Variants in ZSWIM6 observed in about 807,000 individuals in gnomAD.
The protein encoded by ZSWIM6 is zinc finger SWIM domain-containing protein 6.
In ZSWIM6, 9 loss-of-function variants were observed where a neutral mutation model predicts 113.2. The observed-to-expected ratio is 0.08, with a 90% confidence interval of 0.05 to 0.14. The LOEUF is 0.14. ZSWIM6 is among the 10% of genes least tolerant of loss of function. The probability of loss-of-function intolerance (pLI) is 1.00; values close to 1 mark genes in which losing one functional copy is unlikely to be tolerated. For missense variants in ZSWIM6, 1,162 were observed against 1,552.2 expected, an observed-to-expected ratio of 0.75 and a Z score of 4.22; for synonymous variants, 611 against 606.5, an observed-to-expected ratio of 1.01 and a Z score of -0.11.
At chr5:61,504,459 T>G (rs1246655952) in intron 4 of ZSWIM6, among the ~76,000 whole-genome samples, 1 of 152,200 alleles carries the variant, frequency 6.6e-6, no homozygotes, top group African/African-American at 2.4e-5. Context: ...TAGAATGAAT[T>G]AGAGCAAAAT....
chr5:61,420,804 G>C (rs6894675), intron 1 of ZSWIM6, among the ~76,000 whole-genome samples: 54,036 of 151,902 alleles, frequency 0.36, 9,788 homozygotes, highest in African/African-American at 0.41. Flanking sequence ...TTTATCCTTT[G>C]TGCTACAGGC....
At chr5:61,417,739 C>T (rs187565259) in intron 1 of ZSWIM6, among the ~76,000 whole-genome samples, 18 of 152,272 alleles carry the variant, frequency 1.2e-4, no homozygotes, top group Admixed American at 9.2e-4. Flanking sequence ...GAATGCATGT[C>T]TTTTTCTATA....
At chr5:61,432,586 C>T (rs1382488993) in intron 1 of ZSWIM6, among the ~76,000 whole-genome samples, 1 of 152,188 alleles carries the variant, frequency 6.6e-6, no homozygotes, top group Non-Finnish European at 1.5e-5. Context: ...TTCTTTATGT[C>T]AGATGGGAAT....
chr5:61,399,861 A>C lies in ZSWIM6; in HGVS notation c.676+66913A>C, dbSNP rs556595396. Among the ~76,000 whole-genome samples the C allele has an allele frequency of 2.6e-5, 4 of 152,178 alleles. No individual in the cohort carries two copies. The South Asian group carries it at 8.3e-4, about 32-fold the overall frequency. On this transcript the variant is annotated intron_variant, in intron 1 of 13. Coordinates refer to ENST00000252744, the MANE Select transcript of ZSWIM6 (RefSeq NM_020928.2). ...AAGAGCACAAATCTGGGACCCTGGA[A>C]AACTGCCCTCTGGTCCTGGTTTTGC...
At chr5:61,470,101 G>C (rs548482574) in intron 1 of ZSWIM6, among the ~76,000 whole-genome samples, 1 of 152,250 alleles carries the variant, frequency 6.6e-6, no homozygotes, top group African/African-American at 2.4e-5. Context: ...AATTGTCTTG[G>C]CTTTGCCTGT....
chr5:61,332,976 C>T lies in ZSWIM6; in HGVS notation c.676+28C>T, dbSNP rs561228873. On this transcript the variant is annotated intron_variant, in intron 1 of 13. Coordinates refer to ENST00000252744, the MANE Select transcript of ZSWIM6 (RefSeq NM_020928.2). Reference sequence around the variant, plus strand: ...GAGTCACGGGGCAGCCGCGAGCCGTCTGTCCGTCCGTCAGTCCCTGGGTGG... The same window carrying T: ...GAGTCACGGGGCAGCCGCGAGCCGTTTGTCCGTCCGTCAGTCCCTGGGTGG... 19 of 1,172,856 alleles carry T rather than the reference C, an allele frequency of 1.6e-5. No individual in the cohort carries two copies. In the South Asian group the frequency reaches 4.1e-4, roughly 25 times the overall value. 72.7% of individuals were successfully genotyped at this position (1,172,856 alleles called of 1,614,324 possible).
In ZSWIM6 at chr5:61,539,708, C is replaced by A; in HGVS notation, c.2652C>A (p.Asp884Glu). The part of the protein sequence containing the change: ...QDAFKIATLM[D>E]SLPDITLLKV... ...CATTTAAAATAGCAACTCTCATGGA[C>A]AGTTTGCCAGACATCACTCTTTTGA... Residue 884 changes from aspartate to glutamate, a missense_variant, in exon 12 of 14, where the codon GAC (aspartate) becomes GAA (glutamate). Around this residue, in one of 4 missense-constraint regions of ZSWIM6, gnomAD observed 620 missense variants for 804.6 expected, o/e 0.77. Transcript: ENST00000252744. 1.3e-6 allele frequency: 2 copies of A among 1,551,758 alleles called. No individual in the cohort carries two copies. Among genetic ancestry groups the A allele is most frequent in the Non-Finnish European group, 1.7e-6 (2 of 1,146,982 alleles).
At chr5:61,340,433 A>G (rs1373778616) in intron 1 of ZSWIM6, among the ~76,000 whole-genome samples, 2 of 152,206 alleles carry the variant, frequency 1.3e-5, no homozygotes, top group African/African-American at 4.8e-5. Flanking sequence ...TTGTAACCAC[A>G]TGCATATTTC....
At chr5:61,483,180 C>T (rs1452166874) in intron 2 of ZSWIM6, among the ~76,000 whole-genome samples, 7 of 152,130 alleles carry the variant, frequency 4.6e-5, no homozygotes, top group Non-Finnish European at 8.8e-5. Flanking sequence ...GGGCACAGGG[C>T]GTTGCGTGGT....
At chr5:61,487,940 A>T (rs1748065140) in intron 2 of ZSWIM6, among the ~76,000 whole-genome samples, 1 of 152,036 alleles carries the variant, frequency 6.6e-6, no homozygotes, top group African/African-American at 2.4e-5. Flanking sequence ...GAAAATGGGC[A>T]TTCCTGTCTT....
At chr5:61,494,229 A>G in intron 3 of ZSWIM6, 31 bp from the exon 4 acceptor site, 2 of 1,543,320 alleles carry the variant, frequency 1.3e-6, no homozygotes, top group South Asian at 2.4e-5. Flanking sequence ...CGTTTTGAAC[A>G]ATTTTCTAAA....
chr5:61,377,360 GAA>G (rs1745392773), intron 1 of ZSWIM6, among the ~76,000 whole-genome samples: 1 of 151,408 alleles, frequency 6.6e-6, no homozygotes, highest in South Asian at 2.1e-4. Context: ...AGTTTAGAAT[GAA>G]AGTTTTTTTT....
At chr5:61,518,250 C>T (rs777875126) in intron 4 of ZSWIM6, among the ~76,000 whole-genome samples, 4 of 151,876 alleles carry the variant, frequency 2.6e-5, no homozygotes, top group East Asian at 1.9e-4. Context: ...AATAAACATA[C>T]GTGTGCATGT....
chr5:61,371,233 C>T (rs1243489497), intron 1 of ZSWIM6, among the ~76,000 whole-genome samples: 2 of 152,094 alleles, frequency 1.3e-5, no homozygotes, highest in Non-Finnish European at 2.9e-5. Context: ...TCTTTTACCT[C>T]CTTACTCCAC....
chr5:61,532,654 T>G (rs1414958838), intron 9 of ZSWIM6, among the ~76,000 whole-genome samples: 1 of 152,234 alleles, frequency 6.6e-6, no homozygotes, highest in African/African-American at 2.4e-5. Flanking sequence ...CATACTTTAC[T>G]TTTATATGTT....
In ZSWIM6 at chr5:61,438,346, C is replaced by A. The variant is rs78191984; in HGVS notation, c.677-34335C>A. On this transcript the variant is annotated intron_variant, in intron 1 of 13. Transcript: ENST00000252744. ...ATTTAACACCTCTTCTGCTTTCTTC[C>A]CCCACCTCATGACAACCTAATGTAA... Among the ~76,000 whole-genome samples the A allele has an allele frequency of 2.0e-5, 3 of 152,246 alleles. No individual in the cohort carries two copies. In the East Asian group the frequency reaches 5.8e-4, roughly 29 times the overall value.
intron 1 of ZSWIM6, among the ~76,000 whole-genome samples, chr5:61,386,381 A>G (rs995069969): frequency 6.6e-6 from 1 of 152,178 alleles, no homozygotes; most frequent in Non-Finnish European, 1.5e-5. Flanking sequence ...GCTGTTTTAC[A>G]TGGATTGGTG....
chr5:61,399,181 TC>T (rs1479245951), intron 1 of ZSWIM6, among the ~76,000 whole-genome samples: 3 of 150,008 alleles, frequency 2.0e-5, no homozygotes, highest in African/African-American at 7.4e-5. Context: ...CGCCTCAGCC[TC>T]CCAAAGGGCT....
At chr5:61,415,079 C>T (rs1746219545) in intron 1 of ZSWIM6, among the ~76,000 whole-genome samples, 3 of 152,294 alleles carry the variant, frequency 2.0e-5, no homozygotes, top group South Asian at 2.1e-4. Flanking sequence ...TTGACTGGCA[C>T]CAAAGCTGAT....
Sources: gnomAD v4.1 joint callset for allele counts (sites outside exome capture counted in the v4.1 genomes callset) on GRCh38, gnomAD v4.1.1 for gene constraint, gnomAD v4.1.1 regional missense constraint, MANE v1.5 for transcripts, NCBI Gene and HGNC (gene_info 2026-07-23, HGNC 2026-07-21) for gene names.